The following SYNE2 variants were observed in gnomAD, a reference collection of about 807,000 sequenced individuals.
SYNE2 encodes spectrin repeat containing nuclear envelope protein 2.
SYNE2 carries 431 observed loss-of-function variants against 856.3 expected under a neutral mutation model. The ratio of observed to expected loss-of-function variants is 0.50; its 90% CI spans 0.47 to 0.55. The LOEUF is 0.55. SYNE2 is among the 20% of genes least tolerant of loss of function. The pLI, the probability that SYNE2 is intolerant of heterozygous loss-of-function variation, is 0.00. For missense variants in SYNE2, 8,129 were observed against 8,023.2 expected (o/e 1.01, Z -0.50); for synonymous variants, 2,923 against 2,872.3 (o/e 1.02, Z -0.56).
At chr14:64,083,600 C>G (rs563567735) in intron 57 of SYNE2, among the ~76,000 whole-genome samples, 1 of 152,152 alleles carries the variant, frequency 6.6e-6, no homozygotes, top group African/African-American at 2.4e-5. Flanking sequence ...CTATGTGTCC[C>G]GATGTGTCCT....
intron 88 of SYNE2, among the ~76,000 whole-genome samples, chr14:64,163,154 A>G (rs1595918462): frequency 6.6e-6 from 1 of 152,380 alleles, no homozygotes; most frequent in African/African-American, 2.4e-5. Flanking sequence ...TCTATACACT[A>G]GAAGCCTCGA....
rs377526018 is a variant in SYNE2, at chr14:64,029,880, T to C, written c.6715-15T>C. 6 of 1,611,586 alleles carry C rather than the reference T, an allele frequency of 3.7e-6. No individual in the cohort carries two copies. Among genetic ancestry groups the C allele is most frequent in the Non-Finnish European group, 4.2e-6 (5 of 1,178,636 alleles). On this transcript the variant is annotated splice_polypyrimidine_tract_variant and intron_variant, in intron 43 of 115. Transcript: ENST00000555002. ...AGAGAAATAATTTGTAAATTGTCTGTGGCTTTATTTTTAGGATTCTGTGCA... is the reference window on the plus strand; with the variant it reads ...AGAGAAATAATTTGTAAATTGTCTGCGGCTTTATTTTTAGGATTCTGTGCA...
At chr14:63,808,007 C>A (rs1888448196) in intron 1 of SYNE2, among the ~76,000 whole-genome samples, 1 of 93,218 alleles carries the variant, frequency 1.1e-5, no homozygotes, top group Non-Finnish European at 2.1e-5. Flanking sequence ...ACCCCCATCC[C>A]ACCCTCCCAC....
chr14:63,881,194 G>T (rs2094855450), intron 1 of SYNE2, among the ~76,000 whole-genome samples: 1 of 151,728 alleles, frequency 6.6e-6, no homozygotes, highest in African/African-American at 2.4e-5. Flanking sequence ...GGCTAGGCTG[G>T]TCCTGAACTC....
chr14:63,976,652 G>A lies in SYNE2; in HGVS notation c.1218G>A (p.Met406Ile), dbSNP rs768665395. 30 of 1,611,240 alleles carry A rather than the reference G, an allele frequency of 1.9e-5. No individual in the cohort carries two copies. Among genetic ancestry groups the A allele is most frequent in the Admixed American group, 5.0e-5 (3 of 59,572 alleles). ...GGCTCCAGGAGGTAGAAGAGCTTAT[G>A]GATGAAGATTTGTCAGCCTCCCAGG... ...EAWLQEVEEL[M>I]DEDLSASQDH... The change falls in exon 12 of 116, where the codon ATG becomes ATA. Residue 406 changes from methionine (M) to isoleucine (I), a missense_variant. This residue lies in a region of SYNE2 where 2,422 missense variants were observed against 2,357.4 expected (regional missense o/e 1.03). Coordinates refer to ENST00000555002, the MANE Select transcript of SYNE2 (RefSeq NM_182914.3).
chr14:64,072,441 C>T (rs897640481), intron 52 of SYNE2, among the ~76,000 whole-genome samples: 1 of 152,160 alleles, frequency 6.6e-6, no homozygotes, highest in Non-Finnish European at 1.5e-5. Context: ...TCAATCCATC[C>T]CACAAGAGGA....
intron 85 of SYNE2, 79 bp from the exon 86 acceptor site, chr14:64,158,546 T>G: frequency 6.7e-7 from 1 of 1,497,522 alleles, no homozygotes; most frequent in Non-Finnish European, 9.3e-7. Flanking sequence ...ATGCCTAAAT[T>G]GGACACAATG....
chr14:63,980,753 T>C, intron 15 of SYNE2, 21 bp downstream of exon 15: 1 of 1,457,496 alleles, frequency 6.9e-7, no homozygotes, highest in Non-Finnish European at 9.6e-7. Flanking sequence ...TCAGTTACTT[T>C]CTGATGGAAT....
In SYNE2 at chr14:63,853,283, G is replaced by A. The variant is rs1009037497; in HGVS notation, c.-52+140G>A. ...GGCGGGAGACGGGAACCGACCCGAT[G>A]CCGGGGTCCGAGCCGGGCCACAGGA... On this transcript the variant is annotated intron_variant, in intron 1 of 115. Transcript: ENST00000555002. 1.3e-5 allele frequency: 2 copies of A among 152,014 alleles called. 1 individual carries two copies. The allele number at this position is 152,014 out of a possible 1,614,324, so 9.4% of individuals were successfully genotyped here. A position where few individuals can be genotyped will look rare whatever the true frequency, so the allele number is the denominator to read the frequency against.
rs903497598 is a variant in SYNE2 at position 64,220,455 on chromosome 14, G to C, written c.19879G>C (p.Asp6627His). 2 of 1,614,192 alleles carry C rather than the reference G, an allele frequency of 1.2e-6. No individual in the cohort carries two copies. Among genetic ancestry groups the C allele is most frequent in the Non-Finnish European group, 1.7e-6 (2 of 1,180,036 alleles). ...CTGGTAGGAGATACTGAAAGCCTTT[G>C]ACACTTACAAGGCATTAGTGGTCTC... ...KRLQEILKAF[D>H]TYKALVVSVN... is the part of the protein sequence containing the mutation. The change falls in exon 111 of 116, where the codon GAC (aspartate) becomes CAC (histidine). Residue 6627 changes from aspartate (D) to histidine (H), a missense_variant. By Grantham distance (81) the Asp-to-His change is moderately conservative. Around this residue, in one of 3 missense-constraint regions of SYNE2, gnomAD observed 5,410 missense variants for 5,284.8 expected, o/e 1.02. Coordinates refer to ENST00000555002, the MANE Select transcript of SYNE2 (RefSeq NM_182914.3).
At chr14:63,822,592 A>G (rs938169848) in intron 1 of SYNE2, among the ~76,000 whole-genome samples, 2 of 152,228 alleles carry the variant, frequency 1.3e-5, no homozygotes, top group Admixed American at 6.5e-5. Context: ...GTGGAATGAG[A>G]TGTTCATGTG....
intron 1 of SYNE2, among the ~76,000 whole-genome samples, chr14:63,797,633 G>C (rs1453943418): frequency 6.6e-6 from 1 of 152,134 alleles, no homozygotes; most frequent in Non-Finnish European, 1.5e-5. Context: ...GTAGAGACGG[G>C]GTTTCGCCAT....
rs753812540 is a variant in SYNE2 at position 64,051,944 on chromosome 14, T to A, written c.8031T>A (p.His2677Gln). The change falls in exon 48 of 116, where the codon CAT (histidine) becomes CAA (glutamine). Residue 2677 changes from histidine to glutamine, a missense_variant. Around this residue, in one of 3 missense-constraint regions of SYNE2, gnomAD observed 5,410 missense variants for 5,284.8 expected, o/e 1.02. Coordinates refer to ENST00000555002, the MANE Select transcript of SYNE2 (RefSeq NM_182914.3). ...ALTTDLQATK[H>Q]GFSVLKGQAE... The stretch of plus-strand genomic sequence containing the variant: ...CCACTGACCTCCAGGCTACCAAGCA[T>A]GGATTTTCTGTTTTAAAGGGGCAAG... 4.3e-6 allele frequency: 7 copies of A among 1,613,886 alleles called. No individual in the cohort carries two copies. The South Asian group carries it at 7.7e-5, about 18-fold the overall frequency.
rs1324924767 is a variant in SYNE2, at chr14:64,167,617, T to A, written c.16883T>A (p.Leu5628Gln). ...VDVANSLPEL[L>Q]EQQKTYKMLE... ...GTGGCTAACAGCCTTCCTGAGCTCC[T>A]GGAGCAGCAGAAAACCTATAAGGTA... The change falls in exon 92 of 116, where the codon CTG becomes CAG. Residue 5628 changes from leucine (L) to glutamine (Q), a missense_variant. Physicochemically the swap from Leu to Gln is moderately radical, Grantham distance 113. Transcript: ENST00000555002. 2 of 1,614,208 alleles carry A rather than the reference T, an allele frequency of 1.2e-6. No homozygotes were observed. Among genetic ancestry groups the A allele is most frequent in the South Asian group, 2.2e-5 (2 of 91,084 alleles).
At chr14:63,941,536 G>A (rs141234198) in intron 3 of SYNE2, among the ~76,000 whole-genome samples, 159 bp from the exon 4 acceptor site, 2 of 152,242 alleles carry the variant, frequency 1.3e-5, no homozygotes, top group East Asian at 1.9e-4. Flanking sequence ...CTTTTCTTAC[G>A]TTTTGATATG....
chr14:64,211,809 T>C, intron 103 of SYNE2, 152 bp from the exon 104 acceptor site: 1 of 1,120,872 alleles, frequency 8.9e-7, no homozygotes, highest in Non-Finnish European at 1.3e-6. Flanking sequence ...CTGAACAACA[T>C]AGTGCTTCTG....
In SYNE2 at chr14:63,834,929, C is replaced by T. The variant is rs563020008; in HGVS notation, c.-304-17572C>T. Among the ~76,000 whole-genome samples the T allele has an allele frequency of 7.2e-5, 11 of 152,186 alleles. 1 individual carries two copies. In the South Asian group the frequency reaches 1.0e-3, roughly 14 times the overall value. On this transcript the variant is annotated intron_variant, in intron 1 of 23. Transcript: ENST00000674003. ...CTGGGATTACAGGCATGAGTCACCA[C>T]GCCTGGCCACATTTGTCCAATTTCT...
intron 2 of SYNE2, among the ~76,000 whole-genome samples, chr14:63,933,993 A>C (rs190412184): frequency 1.3e-5 from 2 of 150,474 alleles, no homozygotes; most frequent in East Asian, 3.9e-4. Flanking sequence ...AAAGTGTGTC[A>C]GGGGATAAAT....
intron 79 of SYNE2, among the ~76,000 whole-genome samples, chr14:64,138,742 G>A (rs1032675270): frequency 6.6e-6 from 1 of 152,122 alleles, no homozygotes; most frequent in Non-Finnish European, 1.5e-5. Context: ...GAGGAAGGAG[G>A]AGAACATAGA....
Sources: allele counts gnomAD v4.1 joint callset (sites outside exome capture counted in the v4.1 genomes callset), GRCh38; gene constraint gnomAD v4.1.1; regional missense constraint gnomAD v4.1.1; transcripts MANE v1.5; gene names NCBI Gene and HGNC (gene_info 2026-07-23, HGNC 2026-07-21).